MTRR: variants seen among roughly 807,000 people sequenced by gnomAD.
The protein encoded by MTRR is methionine synthase reductase.
MTRR carries 63 observed loss-of-function variants against 79.2 expected under a neutral mutation model. The observed-to-expected ratio is 0.80, with a 90% CI of 0.65 to 0.98. The LOEUF (loss-of-function observed/expected upper bound fraction) is 0.98. Among genes scored for constraint, MTRR ranks in the 50% least tolerant of loss-of-function variants. The pLI is 0.00. For synonymous variants in MTRR, 355 were observed against 313.3 expected, an observed-to-expected ratio of 1.13 and a Z score of -1.41; for missense variants, 895 against 839.6, an observed-to-expected ratio of 1.07 and a Z score of -0.82.
chr5:7,863,956 T>C (rs2126602683), intron 2 of MTRR, among the ~76,000 whole-genome samples: 1 of 152,256 alleles, frequency 6.6e-6, no homozygotes, highest in Admixed American at 6.5e-5. Context: ...GTTGAGCGAT[T>C]CTCCTAACTC....
At chr5:7,856,377 A>G (rs930986611) in intron 1 of MTRR, among the ~76,000 whole-genome samples, 1 of 152,200 alleles carries the variant, frequency 6.6e-6, no homozygotes, top group Admixed American at 6.5e-5. Flanking sequence ...GCAGTTGTCA[A>G]AGGCTCACAG....
At position 7,900,236 on chromosome 5, in the gene MTRR, CG is replaced by C. The variant is rs1739268216; in HGVS notation, c.*179del. 9.7e-6 allele frequency: 7 copies of C among 723,348 alleles called. No homozygotes were observed. In the South Asian group the frequency reaches 1.3e-4, roughly 14 times the overall value. 44.8% of individuals were successfully genotyped at this position (723,348 alleles called of 1,614,324 possible). ...AACAAAACTTCCTGATTTGATTTTA[CG>C]TATCTTCTATCTACGCCCTTCCTGT... On this transcript the variant is annotated 3_prime_UTR_variant, in exon 15 of 15. Coordinates refer to ENST00000440940, the MANE Select transcript of MTRR (RefSeq NM_002454.3).
rs1734884044 is a variant in MTRR, at chr5:7,878,105, A to T, written c.563A>T (p.Glu188Val). 2 of 1,613,916 alleles carry T rather than the reference A, an allele frequency of 1.2e-6. No homozygotes were observed. Among genetic ancestry groups the T allele is most frequent in the South Asian group, 1.1e-5 (1 of 91,070 alleles). ...DLVKSELLHI[E>V]SQVELLRFDD... ...GTGAAGTCAGAGCTGCTACACATTG[A>T]ATCTCAAGTCGAGCTTCTGAGATTC... Residue 188 changes from glutamate (E) to valine (V), a missense_variant, in exon 5 of 15, where the codon GAA (glutamate) becomes GTA (valine). Coordinates refer to ENST00000440940, the MANE Select transcript of MTRR (RefSeq NM_002454.3).
At chr5:7,872,326 A>G (rs1256775527) in intron 2 of MTRR, 1 of 386,902 alleles carries the variant, frequency 2.6e-6, no homozygotes, top group African/African-American at 2.1e-5. Context: ...GAAGTGTTCT[A>G]TTTGAAATAC....
intron 1 of MTRR, among the ~76,000 whole-genome samples, chr5:7,860,105 G>A (rs1309629689): frequency 6.6e-6 from 1 of 152,176 alleles, no homozygotes. Context: ...GGTCTTGAAT[G>A]TTAAGATGTA....
At chr5:7,884,689 T>G (rs1192316416) in intron 6 of MTRR, among the ~76,000 whole-genome samples, 1 of 152,148 alleles carries the variant, frequency 6.6e-6, no homozygotes, top group East Asian at 1.9e-4. Context: ...CACACCCTGC[T>G]GGAATCCATT....
chr5:7,856,318 T>G (rs1274314708), intron 1 of MTRR, among the ~76,000 whole-genome samples: 1 of 152,194 alleles, frequency 6.6e-6, no homozygotes, highest in Non-Finnish European at 1.5e-5. Flanking sequence ...ACAAAGGCTT[T>G]AGAGAACAAA....
chr5:7,863,074 T>G, intron 2 of MTRR: 282 of 1,205,112 alleles, frequency 2.3e-4, no homozygotes, highest in Non-Finnish European at 3.1e-4. Context: ...GTTACCTAGG[T>G]AGAAAAGTTT....
At chr5:7,868,273 G>A, upstream of MTRR, 1 of 525,834 alleles carries the variant, frequency 1.9e-6, no homozygotes, top group Non-Finnish European at 3.3e-6. Context: ...GCATCCTAGA[G>A]TTAGAAGAGT....
upstream of MTRR, chr5:7,866,826 A>T (rs771155052): frequency 9.3e-6 from 15 of 1,614,146 alleles, no homozygotes; most frequent in Non-Finnish European, 1.3e-5. Flanking sequence ...GGTGGCAAAT[A>T]ATTGAGTTTC....
chr5:7,870,962 T>C (rs748511402), intron 2 of MTRR, 39 bp downstream of exon 2: 1 of 1,613,692 alleles, frequency 6.2e-7, no homozygotes, highest in East Asian at 2.2e-5. Context: ...TTTTGTGCTT[T>C]GAAGAATTTT....
At chr5:7,859,305 T>C (rs570283824) in intron 1 of MTRR, 112 of 509,450 alleles carry the variant, frequency 2.2e-4, no homozygotes, top group African/African-American at 2.0e-3. Flanking sequence ...TAAGGAAAAC[T>C]ACAGATGCTT....
chr5:7,869,906 A>G, intron 1 of MTRR: 1 of 235,010 alleles, frequency 4.3e-6, no homozygotes, highest in Non-Finnish European at 7.0e-6. Flanking sequence ...TCATTCAGAT[A>G]ACTTATCGAG....
intron 1 of MTRR, among the ~76,000 whole-genome samples, chr5:7,855,981 A>G (rs2126577995): frequency 6.6e-6 from 1 of 152,318 alleles, no homozygotes; most frequent in East Asian, 1.9e-4. Context: ...GCCTAGAGAC[A>G]TCGAGTCAAA....
At chr5:7,884,064 T>TGA (rs1316094201) in intron 6 of MTRR, among the ~76,000 whole-genome samples, 2 of 152,132 alleles carry the variant, frequency 1.3e-5, no homozygotes, top group Admixed American at 1.3e-4. Context: ...CTTGGGAGGC[T>TGA]GAGGTGGGAG....
Position 7,892,929 on chromosome 5 carries a change from C to T in MTRR, c.1557+16C>T, listed in dbSNP as rs969114093. 36 of 1,609,370 alleles carry T rather than the reference C, an allele frequency of 2.2e-5. No homozygotes were observed. The highest frequency in any genetic ancestry group is 2.7e-5 in the Non-Finnish European group (32 of 1,176,856). ...GGCTCCTAAGGTAAGAAATTAGTACCTTAACCTCAGCATTGTTAACTCATA... is the reference window on the plus strand; with the variant it reads ...GGCTCCTAAGGTAAGAAATTAGTACTTTAACCTCAGCATTGTTAACTCATA... On this transcript the variant is annotated intron_variant, in intron 11 of 14. Coordinates refer to ENST00000440940, the MANE Select transcript of MTRR (RefSeq NM_002454.3).
In MTRR at chr5:7,900,138, A is replaced by G. The variant is rs1579853567; in HGVS notation, c.*80A>G. Reference sequence around the variant, plus strand: ...CAGCTTTACTAGTGCCAAACCTTTAAATTTTCAAAAGAAAATTTTCTTTCA... The same window carrying G: ...CAGCTTTACTAGTGCCAAACCTTTAGATTTTCAAAAGAAAATTTTCTTTCA... On this transcript the variant is annotated 3_prime_UTR_variant, in exon 15 of 15. Transcript: ENST00000440940. 6.5e-7 allele frequency: 1 copy of G among 1,526,832 alleles called. No homozygotes were observed. Among genetic ancestry groups the G allele is most frequent in the Non-Finnish European group, 8.9e-7 (1 of 1,125,712 alleles). The allele number at this position is 1,526,832 out of a possible 1,614,324, so 94.6% of individuals were successfully genotyped here.
chr5:7,888,946 T>A, intron 8 of MTRR, 149 bp from the exon 9 acceptor site: 1 of 792,732 alleles, frequency 1.3e-6, no homozygotes, highest in Admixed American at 2.3e-5. Context: ...AATGGTAAAT[T>A]AAATTCCCTC....
At chr5:7,897,868 T>C (rs1309970811) in intron 14 of MTRR, among the ~76,000 whole-genome samples, 2 of 152,186 alleles carry the variant, frequency 1.3e-5, no homozygotes, top group Admixed American at 1.3e-4. Flanking sequence ...AAATTCACTT[T>C]TTCATCCAAA....
Sources: gnomAD v4.1 joint callset for allele counts (sites outside exome capture counted in the v4.1 genomes callset) on GRCh38, gnomAD v4.1.1 for gene constraint, MANE v1.5 for transcripts, NCBI Gene and HGNC (gene_info 2026-07-23, HGNC 2026-07-21) for gene names.